Variants in COPS8 observed in about 807,000 individuals in gnomAD.
The protein encoded by COPS8 is COP9 signalosome subunit 8.
A neutral mutation model predicts 31.5 loss-of-function variants in COPS8; 11 were observed. That is an observed-to-expected ratio of 0.35 (90% CI 0.22 to 0.58). The LOEUF (loss-of-function observed/expected upper bound fraction) is 0.58, where lower values mean the gene tolerates loss of function less well. COPS8 is among the 20% of genes least tolerant of loss of function. The probability of loss-of-function intolerance (pLI) is 0.83; values close to 1 mark genes in which losing one functional copy is unlikely to be tolerated. For missense variants in COPS8, 215 were observed against 255.1 expected (o/e 0.84, Z 1.07); for synonymous variants, 81 against 89.3 (o/e 0.91, Z 0.52).
chr2:237,096,923 T>A (rs1423434117), intron 7 of COPS8, 54 bp downstream of exon 7: 9 of 1,273,996 alleles, frequency 7.1e-6, no homozygotes, highest in Non-Finnish European at 1.0e-5. Context: ...TAATTTCTTT[T>A]TTGTAGTATA....
intron 3 of COPS8, among the ~76,000 whole-genome samples, chr2:237,089,395 A>G (rs1559298818): frequency 6.6e-6 from 1 of 152,192 alleles, no homozygotes; most frequent in East Asian, 1.9e-4. Flanking sequence ...CATAAGTTTC[A>G]ATGGCGTTAG....
At chr2:237,096,771 C>G (rs772247035) in intron 6 of COPS8, 51 bp from the exon 7 acceptor site, 1 of 1,426,002 alleles carries the variant, frequency 7.0e-7, no homozygotes, top group Non-Finnish European at 9.9e-7. Context: ...TATGAAAGAT[C>G]TTTACAATGA....
At chr2:237,089,416 A>G (rs1259059227) in intron 3 of COPS8, among the ~76,000 whole-genome samples, 6 of 152,218 alleles carry the variant, frequency 3.9e-5, no homozygotes. Flanking sequence ...TGGAAACTCA[A>G]TCCTTAGAGA....
intron 4 of COPS8, among the ~76,000 whole-genome samples, chr2:237,090,203 T>G (rs1419773470): frequency 4.6e-5 from 7 of 152,214 alleles, no homozygotes; most frequent in Non-Finnish European, 1.0e-4. Context: ...CTTTTGTTGT[T>G]TCTTAATTCT....
chr2:237,093,907 A>G, intron 4 of COPS8, 183 bp from the exon 5 acceptor site: 12 of 1,230,894 alleles, frequency 9.7e-6, no homozygotes, highest in Non-Finnish European at 1.2e-5. Context: ...ATTTTTTTCC[A>G]GCAATATTTG....
chr2:237,086,021 G>T lies in COPS8; in HGVS notation c.57G>T (p.Gln19His). 2 of 1,613,820 alleles carry T rather than the reference G, an allele frequency of 1.2e-6. No homozygotes were observed. Among genetic ancestry groups the T allele is most frequent in the Non-Finnish European group, 1.7e-6 (2 of 1,179,802 alleles). ...SAFSFKKLLD[Q>H]CENQELEAPG... is the part of the protein sequence containing the mutation. Reference sequence around the variant, plus strand: ...TTAGTTTCAAAAAGTTGCTGGATCAGTGCGAGAACCAGGAGCTCGAGGTAA... The same window carrying T: ...TTAGTTTCAAAAAGTTGCTGGATCATTGCGAGAACCAGGAGCTCGAGGTAA... The change falls in exon 1 of 8, where the codon CAG (glutamine) becomes CAT (histidine). Residue 19 changes from glutamine to histidine, a missense_variant. Physicochemically the swap from Gln to His is conservative, Grantham distance 24. Coordinates refer to ENST00000354371, the MANE Select transcript of COPS8 (RefSeq NM_006710.5).
At chr2:237,087,005 A>C in intron 1 of COPS8, 122 bp from the exon 2 acceptor site, 1 of 659,588 alleles carries the variant, frequency 1.5e-6, no homozygotes, top group Non-Finnish European at 2.5e-6. Context: ...GTCTTAGACT[A>C]AAAAGGCTTA....
Position 237,086,986 on chromosome 2 carries a change from T to C in COPS8, c.79-141T>C, listed in dbSNP as rs1246320106. On this transcript the variant is annotated intron_variant, in intron 1 of 7. Transcript: ENST00000354371. ...CTAAATCTATAATAGGACTATAAGA[T>C]TACTTATAGTCTTAGACTAAAAAGG... is the stretch of plus-strand genomic sequence containing the variant. The C allele has an allele frequency of 1.7e-5, 10 of 580,272 alleles. No individual in the cohort carries two copies. The East Asian group carries it at 2.1e-4, about 12-fold the overall frequency. 35.9% of individuals were successfully genotyped at this position (580,272 alleles called of 1,614,324 possible). A position where few individuals can be genotyped will look rare whatever the true frequency, so the allele number is the denominator to read the frequency against.
chr2:237,096,606 C>G (rs1696805423), intron 6 of COPS8: 1 of 607,772 alleles, frequency 1.6e-6, no homozygotes, highest in East Asian at 2.8e-5. Flanking sequence ...GTGCTCAGCC[C>G]TTTGAGTTAC....
At chr2:237,092,908 A>T (rs1242839684) in intron 4 of COPS8, among the ~76,000 whole-genome samples, 1 of 152,146 alleles carries the variant, frequency 6.6e-6, no homozygotes, top group Non-Finnish European at 1.5e-5. Flanking sequence ...TTCACTGGAG[A>T]TGCTAGGTGT....
intron 4 of COPS8, among the ~76,000 whole-genome samples, chr2:237,092,773 A>ATG (rs1170111760): frequency 6.6e-6 from 1 of 152,184 alleles, no homozygotes; most frequent in African/African-American, 2.4e-5. Context: ...TCGGGCTCAG[A>ATG]TGAGGGGAAG....
chr2:237,089,471 C>T (rs142011516), intron 3 of COPS8, among the ~76,000 whole-genome samples: 2,341 of 152,172 alleles, frequency 0.015, 27 homozygotes, highest in Admixed American at 0.033. Context: ...CTATTGTTAA[C>T]CATTTTGCTA....
rs551547982 is a variant in COPS8 at position 237,098,861 on chromosome 2, T to C, written c.*1119T>C. On this transcript the variant is annotated 3_prime_UTR_variant, in exon 8 of 8. Transcript: ENST00000354371. ...TTTATTTTGAATGCATTTTAGTGGCTATTTCAGTTTTTCTTAACATATATG... is the reference window on the plus strand; with the variant it reads ...TTTATTTTGAATGCATTTTAGTGGCCATTTCAGTTTTTCTTAACATATATG... The C allele has an allele frequency of 1.3e-4, 20 of 152,340 alleles. No individual in the cohort carries two copies. The highest frequency in any genetic ancestry group is 4.8e-4 in the African/African-American group (20 of 41,584). The allele number at this position is 152,340 out of a possible 1,614,324, so 9.4% of individuals were successfully genotyped here.
In COPS8 at chr2:237,095,904, A is replaced by G; in HGVS notation, c.502+20A>G. 6.4e-7 allele frequency: 1 copy of G among 1,572,382 alleles called. No homozygotes were observed. The highest frequency in any genetic ancestry group is 2.2e-5 in the East Asian group (1 of 44,682). On this transcript the variant is annotated intron_variant, in intron 6 of 7. Transcript: ENST00000354371. ...AGCCAGGTAGGTGGAGCTTTCACCCATTTACGCAGCACTGGACTCTTCTAA... is the reference window on the plus strand; with the variant it reads ...AGCCAGGTAGGTGGAGCTTTCACCCGTTTACGCAGCACTGGACTCTTCTAA...
chr2:237,086,269 C>T (rs1446491981), intron 1 of COPS8, among the ~76,000 whole-genome samples: 3 of 152,078 alleles, frequency 2.0e-5, no homozygotes, highest in African/African-American at 7.2e-5. Flanking sequence ...CTTGTGAGCC[C>T]GAAAACCCTG....
Position 237,088,399 on chromosome 2 carries a change from A to G in COPS8, c.150-206A>G, listed in dbSNP as rs201902131. Among the ~76,000 whole-genome samples the G allele has an allele frequency of 3.3e-5, 5 of 152,338 alleles. No individual in the cohort carries two copies. The East Asian group carries it at 9.6e-4, about 29-fold the overall frequency. On this transcript the variant is annotated intron_variant, in intron 2 of 7. Coordinates refer to ENST00000354371, the MANE Select transcript of COPS8 (RefSeq NM_006710.5). ...AAAAATTCACTAGAAATGGCAAAAT[A>G]TTACTTTGGTAAAAATATTTCATGT...
At chr2:237,093,433 G>T (rs1447456194) in intron 4 of COPS8, among the ~76,000 whole-genome samples, 2 of 152,220 alleles carry the variant, frequency 1.3e-5, no homozygotes. Flanking sequence ...TGGTTTCACA[G>T]TGCTCAACTC....
rs1373241080 is a variant in COPS8 at position 237,098,500 on chromosome 2, C to A, written c.*758C>A. 2 of 152,224 alleles carry A rather than the reference C, an allele frequency of 1.3e-5. No individual in the cohort carries two copies. Among genetic ancestry groups the A allele is most frequent in the African/African-American group, 2.4e-5 (1 of 41,464 alleles). The allele number at this position is 152,224 out of a possible 1,614,324, so 9.4% of individuals were successfully genotyped here. A position where few individuals can be genotyped will look rare whatever the true frequency, so the allele number is the denominator to read the frequency against. ...ACATGATACACTTTGTACAACTATC[C>A]TGCAGCCCATTGGTTGCTTATATTT... On this transcript the variant is annotated 3_prime_UTR_variant, in exon 8 of 8. Transcript: ENST00000354371.
At position 237,098,281 on chromosome 2, in the gene COPS8, C is replaced by G. The variant is rs911431816; in HGVS notation, c.*539C>G. The G allele has an allele frequency of 1.3e-5, 2 of 152,592 alleles. No homozygotes were observed. The highest frequency in any genetic ancestry group is 6.5e-5 in the Admixed American group (1 of 15,374). 9.5% of individuals were successfully genotyped at this position (152,592 alleles called of 1,614,324 possible). On this transcript the variant is annotated 3_prime_UTR_variant, in exon 8 of 8. Transcript: ENST00000354371. ...TAGCTGAGGAACAAATAGACCATTT[C>G]CATACTAAACCAGTTTGTTAACTTT...
Sources: gnomAD v4.1 joint callset for allele counts (sites outside exome capture counted in the v4.1 genomes callset) on GRCh38, gnomAD v4.1.1 for gene constraint, MANE v1.5 for transcripts, NCBI Gene and HGNC (gene_info 2026-07-23, HGNC 2026-07-21) for gene names.